The following RCL1 variants were observed in gnomAD, a reference collection of about 807,000 sequenced individuals.
The protein encoded by RCL1 is RNA 3'-terminal phosphate cyclase-like protein.
In RCL1, 24 loss-of-function variants were observed where a neutral mutation model predicts 42.4. The observed-to-expected ratio is 0.57, with a 90% confidence interval of 0.41 to 0.80. RCL1 has a LOEUF of 0.80. RCL1 is among the 30% of genes least tolerant of loss of function. The probability of loss-of-function intolerance (pLI) is 0.00; values close to 1 mark genes in which losing one functional copy is unlikely to be tolerated. For synonymous variants in RCL1, 228 were observed against 177.3 expected, an observed-to-expected ratio of 1.29 and a Z score of -2.27; for missense variants, 578 against 467.9, an observed-to-expected ratio of 1.24 and a Z score of -2.17.
chr9:4,833,802 G>A (rs1179343613), intron 4 of RCL1, among the ~76,000 whole-genome samples: 3 of 152,078 alleles, frequency 2.0e-5, no homozygotes, highest in African/African-American at 4.8e-5. Flanking sequence ...TTATTTGCAT[G>A]GGAGGAGAAA....
rs754716156 is a variant in RCL1, at chr9:4,860,145, T to G, written c.992T>G (p.Leu331Trp). The change falls in exon 9 of 9, where the codon TTG becomes TGG. Residue 331 changes from leucine (L) to tryptophan (W), a missense_variant. Physicochemically the swap from Leu to Trp is moderately conservative, Grantham distance 61. Transcript: ENST00000381750. ...TTTAGGATAGAATTTTTGCGGCATTTGAAGAGCTTTTTCCAGATTATGTTT... is the reference window on the plus strand; with the variant it reads ...TTTAGGATAGAATTTTTGCGGCATTGGAAGAGCTTTTTCCAGATTATGTTT... ...SPYTIEFLRH[L>W]KSFFQIMFKI... is the part of the protein sequence containing the mutation. 1.9e-6 allele frequency: 3 copies of G among 1,593,622 alleles called. No homozygotes were observed. Among genetic ancestry groups the G allele is most frequent in the Non-Finnish European group, 2.6e-6 (3 of 1,172,360 alleles).
At chr9:4,794,796 A>G (rs1191992679) in intron 1 of RCL1, among the ~76,000 whole-genome samples, 1 of 152,030 alleles carries the variant, frequency 6.6e-6, no homozygotes, top group Non-Finnish European at 1.5e-5. Context: ...CCTCCACTGT[A>G]TGTGAGCATC....
chr9:4,841,097 A>T, intron 5 of RCL1, 135 bp from the exon 6 acceptor site: 2 of 924,238 alleles, frequency 2.2e-6, no homozygotes, highest in South Asian at 1.7e-5. Context: ...CTAATTCAGT[A>T]AATTCAGTTG....
chr9:4,853,998 T>G (rs1460838974), intron 8 of RCL1, among the ~76,000 whole-genome samples: 1 of 152,198 alleles, frequency 6.6e-6, no homozygotes, highest in Non-Finnish European at 1.5e-5. Flanking sequence ...TTGGGGTCAG[T>G]GGCCTCACTG....
intron 2 of RCL1, among the ~76,000 whole-genome samples, chr9:4,823,827 T>C (rs1816670207): frequency 6.6e-6 from 1 of 152,154 alleles, no homozygotes; most frequent in East Asian, 1.9e-4. Context: ...GGGACTTATA[T>C]GAGGAACTCA....
intron 1 of RCL1, among the ~76,000 whole-genome samples, chr9:4,802,126 T>C (rs1843014177): frequency 6.8e-6 from 1 of 146,726 alleles, no homozygotes; most frequent in Non-Finnish European, 1.5e-5. Flanking sequence ...GGTTTCACCA[T>C]GTTGGCCAGG....
chr9:4,830,262 A>G (rs879604428), intron 3 of RCL1, among the ~76,000 whole-genome samples: 1 of 152,164 alleles, frequency 6.6e-6, no homozygotes, highest in Non-Finnish European at 1.5e-5. Flanking sequence ...AAGTTAGGAG[A>G]TTCTTCCAGA....
chr9:4,798,856 G>A (rs1177314706), intron 1 of RCL1, among the ~76,000 whole-genome samples: 2 of 149,678 alleles, frequency 1.3e-5, no homozygotes, highest in Non-Finnish European at 3.0e-5. Flanking sequence ...ATGATTTTTG[G>A]CTGCCCAAAA....
intron 7 of RCL1, among the ~76,000 whole-genome samples, chr9:4,845,684 T>C (rs894736745): frequency 6.6e-6 from 1 of 152,204 alleles, no homozygotes; most frequent in South Asian, 2.1e-4. Context: ...TTCTCTGACA[T>C]GCAGAGTCCA....
chr9:4,845,435 G>C (rs1266764992), intron 7 of RCL1, among the ~76,000 whole-genome samples: 3 of 152,196 alleles, frequency 2.0e-5, no homozygotes, highest in Non-Finnish European at 2.9e-5. Flanking sequence ...TCCTTTCATT[G>C]CAACGGGCAC....
intron 1 of RCL1, among the ~76,000 whole-genome samples, chr9:4,794,404 T>G (rs1842880862): frequency 6.6e-6 from 1 of 152,212 alleles, no homozygotes; most frequent in Non-Finnish European, 1.5e-5. Flanking sequence ...GTCCTCTCTC[T>G]ACTGCTCAAA....
intron 5 of RCL1, among the ~76,000 whole-genome samples, chr9:4,835,895 A>C (rs78006583): frequency 0.012 from 1,823 of 152,230 alleles, 37 homozygotes; most frequent in African/African-American, 0.041. Context: ...TATTCTTTTT[A>C]TTCTTACTTG....
At chr9:4,843,759 C>G (rs980800229) in intron 6 of RCL1, among the ~76,000 whole-genome samples, 1 of 152,198 alleles carries the variant, frequency 6.6e-6, no homozygotes, top group Non-Finnish European at 1.5e-5. Flanking sequence ...CCTTCATCTT[C>G]TAATCTTCAC....
At chr9:4,834,020 A>T in intron 4 of RCL1, 121 bp from the exon 5 acceptor site, 2 of 1,094,896 alleles carry the variant, frequency 1.8e-6, no homozygotes, top group South Asian at 1.6e-5. Flanking sequence ...TGACAGATTG[A>T]ATATGGAAGA....
chr9:4,818,898 A>G (rs1239060861), intron 1 of RCL1, among the ~76,000 whole-genome samples: 2 of 151,778 alleles, frequency 1.3e-5, no homozygotes, highest in Non-Finnish European at 2.9e-5. Flanking sequence ...AGAAAAAGAA[A>G]TTGAAATCAC....
At chr9:4,829,573 C>T (rs35061563) in intron 3 of RCL1, among the ~76,000 whole-genome samples, 4,648 of 152,238 alleles carry the variant, frequency 0.031, 117 homozygotes, top group Non-Finnish European at 0.045. Flanking sequence ...AGAGACAGGT[C>T]ATCACGATCT....
At chr9:4,799,752 C>T (rs1047411712) in intron 1 of RCL1, among the ~76,000 whole-genome samples, 1 of 151,884 alleles carries the variant, frequency 6.6e-6, no homozygotes, top group South Asian at 2.1e-4. Flanking sequence ...TGAATGAGTC[C>T]TGTATTTTTA....
intron 5 of RCL1, chr9:4,839,837 G>A: frequency 1.0e-6 from 1 of 985,080 alleles, no homozygotes; most frequent in Non-Finnish European, 1.2e-6. Flanking sequence ...AACAAAATGT[G>A]CATATGTGAA....
At chr9:4,829,910 G>A (rs1333426677) in intron 3 of RCL1, among the ~76,000 whole-genome samples, 1 of 152,204 alleles carries the variant, frequency 6.6e-6, no homozygotes, top group Non-Finnish European at 1.5e-5. Flanking sequence ...GGTCACAGCT[G>A]ACCTCATCAT....
Sources: allele counts gnomAD v4.1 joint callset (sites outside exome capture counted in the v4.1 genomes callset), GRCh38; gene constraint gnomAD v4.1.1; transcripts MANE v1.5; gene names NCBI Gene and HGNC (gene_info 2026-07-23, HGNC 2026-07-21).